SRP72: variants seen among roughly 807,000 people sequenced by gnomAD.
SRP72 encodes signal recognition particle subunit SRP72.
Under a neutral mutation model 96.3 loss-of-function variants are expected in SRP72, and 49 were observed. The observed-to-expected ratio is 0.51, with a 90% CI of 0.40 to 0.65. SRP72 has a LOEUF of 0.65. Ranked by LOEUF, SRP72 falls within the 30% of genes least tolerant of loss-of-function variation. The pLI is 0.00. For missense variants in SRP72, 736 were observed against 793.3 expected, an observed-to-expected ratio of 0.93 and a Z score of 0.87; for synonymous variants, 267 against 275.2, an observed-to-expected ratio of 0.97 and a Z score of 0.30.
In SRP72 at chr4:56,500,331, G is replaced by A. The variant is rs187096312; in HGVS notation, c.1679-205G>A. The A allele has an allele frequency of 2.5e-4, 120 of 489,436 alleles. 1 individual carries two copies. The East Asian group carries it at 4.0e-3, about 16-fold the overall frequency. 30.3% of individuals were successfully genotyped at this position (489,436 alleles called of 1,614,324 possible). On this transcript the variant is annotated intron_variant, in intron 17 of 18. Transcript: ENST00000642900. ...GTATACCTATGTAACAAACCTGCAC[G>A]TTCTGCGCATGTATCCCAGAACTTA...
Position 56,476,676 on chromosome 4 carries a change from T to G in SRP72, c.616T>G (p.Cys206Gly), listed in dbSNP as rs547689082. The change falls in exon 6 of 19, where the codon TGC (cysteine) becomes GGC (glycine). Residue 206 changes from cysteine (C) to glycine (G), a missense_variant. By Grantham distance (159) the Cys-to-Gly change is radical (BLOSUM62 -3). This residue lies in a region of SRP72 where 329 missense variants were observed against 319.0 expected (regional missense o/e 1.03). Coordinates refer to ENST00000642900, the MANE Select transcript of SRP72 (RefSeq NM_006947.4). Reference sequence around the variant, plus strand: ...AAACAATTTTTCTCCTGTAGATCTTTGCCGCCGTTCATTATCAGAAGACAC... The same window carrying G: ...AAACAATTTTTCTCCTGTAGATCTTGGCCGCCGTTCATTATCAGAAGACAC... Reference protein sequence around the residue: ...MKILQKAEDLCRRSLSEDTDG... With the variant: ...MKILQKAEDLGRRSLSEDTDG... The G allele has an allele frequency of 6.2e-7, 1 of 1,612,620 alleles. No individual in the cohort carries two copies. Among genetic ancestry groups the G allele is most frequent in the South Asian group, 1.1e-5 (1 of 90,954 alleles).
At chr4:56,489,566 A>G (rs1560685399) in intron 13 of SRP72, 83 bp downstream of exon 13, 1 of 693,908 alleles carries the variant, frequency 1.4e-6, no homozygotes, top group Non-Finnish European at 2.4e-6. Flanking sequence ...CAGGCAAACA[A>G]GTATTACACG....
chr4:56,475,485 C>G (rs568787271), intron 5 of SRP72, among the ~76,000 whole-genome samples: 4 of 149,892 alleles, frequency 2.7e-5, no homozygotes, highest in Admixed American at 6.7e-5. Flanking sequence ...CTAGGAGGGC[C>G]TAGGAGGTTG....
chr4:56,501,623 C>T (rs1721264279), intron 18 of SRP72, 61 bp from the exon 19 acceptor site: 19 of 1,469,228 alleles, frequency 1.3e-5, no homozygotes, highest in Non-Finnish European at 1.6e-5. Context: ...CATGTACATA[C>T]ATTTTTATAC....
rs6834809 is a variant in SRP72, at chr4:56,495,311, A to C, written c.1641-46A>C. ...TAGAGCACTTACTTAATGCTCTATA[A>C]ATATTTTATCACAAAGATGGTAATG... On this transcript the variant is annotated intron_variant, in intron 16 of 18. Transcript: ENST00000642900. 3,985 of 1,360,978 alleles carry C rather than the reference A, an allele frequency of 2.9e-3. 109 individuals carry two copies. In the African/African-American group the frequency reaches 0.05, roughly 17 times the overall value. The allele number at this position is 1,360,978 out of a possible 1,614,324, so 84.3% of individuals were successfully genotyped here. A position where few individuals can be genotyped will look rare whatever the true frequency, so the allele number is the denominator to read the frequency against.
At chr4:56,496,879 C>T (rs943873343) in intron 17 of SRP72, among the ~76,000 whole-genome samples, 1 of 152,056 alleles carries the variant, frequency 6.6e-6, no homozygotes, top group Admixed American at 6.5e-5. Flanking sequence ...ATCCCAGCTA[C>T]TTGGGAGGCT....
intron 17 of SRP72, among the ~76,000 whole-genome samples, chr4:56,496,815 C>G (rs531941166): frequency 3.4e-4 from 51 of 152,226 alleles, no homozygotes; most frequent in African/African-American, 1.2e-3. Context: ...TGGTGAAACC[C>G]CATCTCTAGT....
intron 9 of SRP72, among the ~76,000 whole-genome samples, chr4:56,483,745 A>T (rs111502440): frequency 2.0e-5 from 3 of 152,126 alleles, no homozygotes; most frequent in Non-Finnish European, 4.4e-5. Flanking sequence ...CCAATTTCTT[A>T]TAAGGGTGTA....
chr4:56,503,428 A>T lies in SRP72; in HGVS notation c.*1567A>T, dbSNP rs1721333096. The T allele has an allele frequency of 6.6e-6, 1 of 152,250 alleles. No individual in the cohort carries two copies. Among genetic ancestry groups the T allele is most frequent in the African/African-American group, 2.4e-5 (1 of 41,476 alleles). 9.4% of individuals were successfully genotyped at this position (152,250 alleles called of 1,614,324 possible). A position where few individuals can be genotyped will look rare whatever the true frequency, so the allele number is the denominator to read the frequency against. On this transcript the variant is annotated 3_prime_UTR_variant, in exon 19 of 19. Coordinates refer to ENST00000642900, the MANE Select transcript of SRP72 (RefSeq NM_006947.4). ...GTTCTCAATTTAGTTGTCATTATTG[A>T]CAGGCATTGGTATTATTAGTCATTG... is the stretch of plus-strand genomic sequence containing the variant.
intron 16 of SRP72, chr4:56,495,130 A>C: frequency 3.1e-6 from 1 of 324,844 alleles, no homozygotes. Flanking sequence ...CTGTTTTCGA[A>C]TTGTCACCTC....
chr4:56,471,914 G>C (rs1719994808), intron 3 of SRP72, 71 bp downstream of exon 3: 11 of 1,566,678 alleles, frequency 7.0e-6, no homozygotes, highest in Admixed American at 1.9e-5. Context: ...CAAGGAGCAG[G>C]GTTGAGGAAA....
intron 16 of SRP72, 64 bp from the exon 17 acceptor site, chr4:56,495,293 C>T: frequency 8.6e-7 from 1 of 1,158,984 alleles, no homozygotes; most frequent in Non-Finnish European, 1.2e-6. Flanking sequence ...TTATAGAGCA[C>T]TTACTTAATG....
chr4:56,488,662 T>C (rs575470512), intron 12 of SRP72, among the ~76,000 whole-genome samples: 1 of 152,350 alleles, frequency 6.6e-6, no homozygotes, highest in East Asian at 1.9e-4. Flanking sequence ...TGACCACCTT[T>C]TACCTTTCAA....
In SRP72 at chr4:56,491,068, A is replaced by G. The variant is rs148253841; in HGVS notation, c.1503-363A>G. 7.6e-3 allele frequency among the ~76,000 whole-genome samples: 1,161 copies of G among 152,270 alleles called. 12 individuals carry two copies. The highest frequency in any genetic ancestry group is 8.9e-3 in the Non-Finnish European group (603 of 68,018). On this transcript the variant is annotated intron_variant, in intron 15 of 18. Transcript: ENST00000642900. Reference sequence around the variant, plus strand: ...AGCTTGGATCATATGTGCTACTCTAAATCAGAGTGTGTTCCCAAAACTGAG... The same window carrying G: ...AGCTTGGATCATATGTGCTACTCTAGATCAGAGTGTGTTCCCAAAACTGAG...
At chr4:56,494,726 A>G (rs1056890548) in intron 16 of SRP72, among the ~76,000 whole-genome samples, 12 of 152,116 alleles carry the variant, frequency 7.9e-5, no homozygotes, top group African/African-American at 2.2e-4. Context: ...CTTGACAATT[A>G]TTTTGAAGTG....
At chr4:56,484,324 A>G (rs1720625899) in intron 9 of SRP72, among the ~76,000 whole-genome samples, 2 of 151,962 alleles carry the variant, frequency 1.3e-5, no homozygotes, top group Non-Finnish European at 2.9e-5. Context: ...ATGAGCCACC[A>G]CGCCCGGCCG....
intron 6 of SRP72, chr4:56,477,069 T>C (rs925154042): frequency 9.1e-5 from 16 of 176,492 alleles, no homozygotes; most frequent in Admixed American, 1.9e-4. Context: ...GGTTTTTCTT[T>C]TTAAGTGTAA....
chr4:56,501,430 C>CA (rs1230435060), intron 18 of SRP72, among the ~76,000 whole-genome samples: 3 of 151,744 alleles, frequency 2.0e-5, no homozygotes, highest in Non-Finnish European at 4.4e-5. Context: ...GACTCTGTCT[C>CA]AAAAAAATAA....
At chr4:56,493,709 TACAA>T (rs1720985701) in intron 16 of SRP72, among the ~76,000 whole-genome samples, 1 of 151,946 alleles carries the variant, frequency 6.6e-6, no homozygotes. Flanking sequence ...CTACTAAAAA[TACAA>T]AAATTAGCCG....
Sources: gnomAD v4.1 joint callset for allele counts (sites outside exome capture counted in the v4.1 genomes callset) on GRCh38, gnomAD v4.1.1 for gene constraint, gnomAD v4.1.1 regional missense constraint, MANE v1.5 for transcripts, NCBI Gene and HGNC (gene_info 2026-07-23, HGNC 2026-07-21) for gene names.